The following PPP3CA variants were observed in gnomAD, a reference collection of about 807,000 sequenced individuals.
PPP3CA encodes CAM-PRP catalytic subunit.
Under a neutral mutation model 66.5 loss-of-function variants are expected in PPP3CA, and 14 were observed. The ratio of observed to expected loss-of-function variants is 0.21; its 90% CI spans 0.14 to 0.33. PPP3CA has a LOEUF of 0.33. PPP3CA is among the 10% of genes least tolerant of loss of function. The pLI, the probability that PPP3CA is intolerant of heterozygous loss-of-function variation, is 1.00. For missense variants in PPP3CA, 317 were observed against 639.5 expected (o/e 0.50, Z 5.44); for synonymous variants, 232 against 226.2 (o/e 1.03, Z -0.23).
chr4:101,261,378 C>T (rs948786632), intron 1 of PPP3CA, among the ~76,000 whole-genome samples: 3 of 152,082 alleles, frequency 2.0e-5, no homozygotes, highest in African/African-American at 7.2e-5. Flanking sequence ...GCACTCCAGA[C>T]TCAAATCCTT....
chr4:101,143,691 C>G (rs535571989), intron 2 of PPP3CA, among the ~76,000 whole-genome samples: 7 of 152,272 alleles, frequency 4.6e-5, no homozygotes, highest in African/African-American at 1.4e-4. Flanking sequence ...TCATTAATTG[C>G]AGGCATTATC....
chr4:101,298,783 G>C lies in PPP3CA; in HGVS notation c.58+47956C>G, dbSNP rs557181031. Among the ~76,000 whole-genome samples the C allele has an allele frequency of 1.8e-3, 277 of 151,296 alleles. 1 individual carries two copies. The highest frequency in any genetic ancestry group is 2.9e-3 in the Non-Finnish European group (197 of 67,864). ...CTGGGGGGAGTTAAAACTTATGCAT[G>C]AATTTTCGACTACATGAGGGGTCAG... is the stretch of plus-strand genomic sequence containing the variant. On this transcript the variant is annotated intron_variant, in intron 1 of 13. Coordinates refer to ENST00000394854, the MANE Select transcript of PPP3CA (RefSeq NM_000944.5).
chr4:101,227,816 T>C (rs1352324055), intron 1 of PPP3CA, among the ~76,000 whole-genome samples: 2 of 151,756 alleles, frequency 1.3e-5, no homozygotes, highest in Admixed American at 1.3e-4. Context: ...ATGCAGTATT[T>C]GGTTTTCTGT....
chr4:101,346,813 A>G lies in PPP3CA; in HGVS notation c.-17T>C. ...CTCGGACATCTCCAGCTGCCGGAGG[A>G]CAGCGACGCGCTGCTCGTCCGTCCG... On this transcript the variant is annotated 5_prime_UTR_variant, in exon 1 of 14. Transcript: ENST00000394854. 6.2e-7 allele frequency: 1 copy of G among 1,608,674 alleles called. No individual in the cohort carries two copies. The highest frequency in any genetic ancestry group is 8.5e-7 in the Non-Finnish European group (1 of 1,178,092).
At chr4:101,264,835 G>A (rs1727120439) in intron 1 of PPP3CA, among the ~76,000 whole-genome samples, 1 of 152,150 alleles carries the variant, frequency 6.6e-6, no homozygotes, top group Non-Finnish European at 1.5e-5. Context: ...GATAGAGGAG[G>A]CAAGGTAGAG....
intron 1 of PPP3CA, among the ~76,000 whole-genome samples, chr4:101,307,615 A>G (rs1041845090): frequency 1.3e-5 from 2 of 152,218 alleles, no homozygotes; most frequent in African/African-American, 2.4e-5. Context: ...ACAACTGGTC[A>G]TAAGTCCAGT....
rs941714325 is a variant in PPP3CA, at chr4:101,039,529, C to T, written c.1241+953G>A. Among the ~76,000 whole-genome samples, 12 of 144,548 alleles carry T rather than the reference C, an allele frequency of 8.3e-5. 2 individuals are homozygous for T. Among genetic ancestry groups the T allele is most frequent in the African/African-American group, 3.0e-4 (12 of 39,724 alleles). The allele number at this position is 144,548 out of a possible 152,430, so 94.8% of individuals were successfully genotyped here. A position where few individuals can be genotyped will look rare whatever the true frequency, so the allele number is the denominator to read the frequency against. On this transcript the variant is annotated intron_variant, in intron 11 of 13. Coordinates refer to ENST00000394854, the MANE Select transcript of PPP3CA (RefSeq NM_000944.5). ...TTGAACATGGCTGGTCGTGAATGTG[C>T]TGGCTACCACAGAGTTCTCACTGCC... is the stretch of plus-strand genomic sequence containing the variant.
At chr4:101,202,467 G>A (rs1423929044) in intron 1 of PPP3CA, among the ~76,000 whole-genome samples, 1 of 152,126 alleles carries the variant, frequency 6.6e-6, no homozygotes, top group Non-Finnish European at 1.5e-5. Flanking sequence ...ATATCAGTAT[G>A]GGGGATATGT....
chr4:101,204,136 G>A (rs549054975), intron 1 of PPP3CA, among the ~76,000 whole-genome samples: 30 of 152,066 alleles, frequency 2.0e-4, no homozygotes, highest in African/African-American at 7.0e-4. Flanking sequence ...CTCCTGAGTA[G>A]CTGGGACCAC....
intron 2 of PPP3CA, among the ~76,000 whole-genome samples, chr4:101,123,474 A>G (rs1370152053): frequency 1.3e-5 from 2 of 152,184 alleles, no homozygotes; most frequent in Non-Finnish European, 2.9e-5. Flanking sequence ...ATATTACAGG[A>G]AGTGAAAGAT....
chr4:101,124,727 G>GAA (rs1560614467), intron 2 of PPP3CA, among the ~76,000 whole-genome samples: 70 of 49,920 alleles, frequency 1.4e-3, no homozygotes, highest in African/African-American at 5.0e-3. Flanking sequence ...GAAAGAAAGA[G>GAA]AAAGAAAGAA....
At chr4:101,071,125 T>G (rs1396121079) in intron 8 of PPP3CA, among the ~76,000 whole-genome samples, 1 of 152,144 alleles carries the variant, frequency 6.6e-6, no homozygotes, top group Non-Finnish European at 1.5e-5. Context: ...TTGCTCTCAT[T>G]CAGTGCAGCT....
intron 1 of PPP3CA, among the ~76,000 whole-genome samples, chr4:101,323,942 G>A (rs1233802618): frequency 2.0e-5 from 3 of 151,890 alleles, no homozygotes; most frequent in Admixed American, 6.6e-5. Flanking sequence ...GTGAAACCTG[G>A]TCTCTACTAA....
rs3840161 is a variant in PPP3CA at position 101,317,253 on chromosome 4, A to AACACACACACACACACACACAC, written c.58+29464_58+29485dup. Among the ~76,000 whole-genome samples the AACACACACACACACACACACAC allele has an allele frequency of 3.3e-3, 473 of 145,376 alleles. 2 individuals carry two copies. Among genetic ancestry groups the AACACACACACACACACACACAC allele is most frequent in the African/African-American group, 0.012 (460 of 38,664 alleles). On this transcript the variant is annotated intron_variant, in intron 1 of 13. Coordinates refer to ENST00000394854, the MANE Select transcript of PPP3CA (RefSeq NM_000944.5). ...GGAGGCCCCTTAACTCGGTACTCCC[A>AACACACACACACACACACACAC]ACACACACACACACACACACACACA...
intron 1 of PPP3CA, among the ~76,000 whole-genome samples, chr4:101,278,136 A>AAATAAT (rs1553937789): frequency 6.9e-6 from 1 of 145,840 alleles, no homozygotes; most frequent in African/African-American, 2.7e-5. Flanking sequence ...AAAAAAAAAA[A>AAATAAT]AAATAAAAAA....
intron 1 of PPP3CA, among the ~76,000 whole-genome samples, chr4:101,324,146 AAGGGAGGG>A (rs1194244716): frequency 1.8e-4 from 20 of 113,700 alleles, no homozygotes; most frequent in African/African-American, 5.6e-4. Flanking sequence ...GAAGGGAAGG[AAGGGAGGG>A]AGGAAGGAAG....
chr4:101,124,781 AAGAAAGAAAGAAAGAAAG>A lies in PPP3CA; in HGVS notation c.260-15721_260-15704del, dbSNP rs1435506619. Reference sequence around the variant, plus strand: ...AAAGAAAGAAAGAAAGAAAGAAAGAAAGAAAGAAAGAAAGAAAGAGAAAACTGTATTGGTGTTGAGGAG... The same window carrying A: ...AAAGAAAGAAAGAAAGAAAGAAAGAAAGAAAACTGTATTGGTGTTGAGGAG... On this transcript the variant is annotated intron_variant, in intron 2 of 13. Transcript: ENST00000394854. 3.1e-3 allele frequency among the ~76,000 whole-genome samples: 396 copies of A among 129,528 alleles called. 9 individuals carry two copies. Among genetic ancestry groups the A allele is most frequent in the African/African-American group, 9.8e-3 (292 of 29,894 alleles). The allele number at this position is 129,528 out of a possible 152,430, so 85.0% of individuals were successfully genotyped here. A position where few individuals can be genotyped will look rare whatever the true frequency, so the allele number is the denominator to read the frequency against.
intron 1 of PPP3CA, among the ~76,000 whole-genome samples, chr4:101,313,123 G>A (rs1728778110): frequency 6.6e-6 from 1 of 152,044 alleles, no homozygotes; most frequent in Admixed American, 6.6e-5. Context: ...GGGTAGGACT[G>A]TATTTTTTTT....
At chr4:101,136,540 CA>C (rs11299265) in intron 2 of PPP3CA, among the ~76,000 whole-genome samples, 19,209 of 137,758 alleles carry the variant, frequency 0.14, 2,206 homozygotes, top group African/African-American at 0.32. Context: ...GACTCCGCCT[CA>C]AAAAAAAAAA....
Sources: allele counts gnomAD v4.1 joint callset (sites outside exome capture counted in the v4.1 genomes callset), GRCh38; gene constraint gnomAD v4.1.1; transcripts MANE v1.5; gene names NCBI Gene and HGNC (gene_info 2026-07-23, HGNC 2026-07-21).